RPH3AL: variants seen among roughly 807,000 people sequenced by gnomAD.
The protein encoded by RPH3AL is rabphilin 3A like (without C2 domains).
A neutral mutation model predicts 43.1 loss-of-function variants in RPH3AL; 38 were observed. The observed-to-expected ratio is 0.88, with a 90% CI of 0.68 to 1.15. The LOEUF is 1.15. Ranked by LOEUF, RPH3AL falls within the 50% of genes most tolerant of loss-of-function variation. The probability of loss-of-function intolerance (pLI) is 0.00; values close to 1 mark genes in which losing one functional copy is unlikely to be tolerated. For missense variants in RPH3AL, 462 were observed against 423.2 expected (o/e 1.09, Z -0.81); for synonymous variants, 189 against 176.3 (o/e 1.07, Z -0.57).
At chr17:235,273 C>G (rs8076043) in intron 7 of RPH3AL, among the ~76,000 whole-genome samples, 20,786 of 102,026 alleles carry the variant, frequency 0.2, 1,036 homozygotes, top group Middle Eastern at 0.3. Context: ...TGGGGTCGGC[C>G]GAGGCTCTAC....
At chr17:231,598 G>A (rs1413029068) in intron 7 of RPH3AL, among the ~76,000 whole-genome samples, 3 of 152,236 alleles carry the variant, frequency 2.0e-5, no homozygotes, top group Non-Finnish European at 2.9e-5. Flanking sequence ...CTTAGTCCCC[G>A]AGACAGGTGA....
At chr17:272,499 G>A (rs1239867880) in intron 6 of RPH3AL, among the ~76,000 whole-genome samples, 15 of 149,640 alleles carry the variant, frequency 1.0e-4, no homozygotes, top group African/African-American at 2.0e-4. Context: ...GCAAACTATC[G>A]CAAGGACAGA....
At chr17:236,109 C>T (rs1022021675) in intron 7 of RPH3AL, among the ~76,000 whole-genome samples, 1 of 152,200 alleles carries the variant, frequency 6.6e-6, no homozygotes, top group Non-Finnish European at 1.5e-5. Flanking sequence ...CACAGAAGGC[C>T]TCACACTGTG....
At chr17:292,148 C>A (rs1443987006) in intron 5 of RPH3AL, among the ~76,000 whole-genome samples, 1 of 152,168 alleles carries the variant, frequency 6.6e-6, no homozygotes, top group East Asian at 1.9e-4. Flanking sequence ...CAGGCCTGTG[C>A]ACCCCCACAG....
rs1422044515 is a variant in RPH3AL at position 271,573 on chromosome 17, T to A, written c.438+10195A>T. 2.0e-5 allele frequency among the ~76,000 whole-genome samples: 3 copies of A among 152,240 alleles called. No homozygotes were observed. In the East Asian group the frequency reaches 5.8e-4, roughly 29 times the overall value. On this transcript the variant is annotated intron_variant, in intron 6 of 9. Coordinates refer to ENST00000331302, the MANE Select transcript of RPH3AL (RefSeq NM_006987.4). Reference sequence around the variant, plus strand: ...GGAGTTCACTCATGATTTGGTACTCTGTTATTGATGTATAGGAATGCTTGT... The same window carrying A: ...GGAGTTCACTCATGATTTGGTACTCAGTTATTGATGTATAGGAATGCTTGT...
At chr17:248,686 C>A (rs2041821260) in intron 6 of RPH3AL, among the ~76,000 whole-genome samples, 1 of 152,206 alleles carries the variant, frequency 6.6e-6, no homozygotes, top group African/African-American at 2.4e-5. Context: ...CACCCAGGCT[C>A]CCCACTCCTG....
chr17:260,668 A>G (rs1488209574), intron 6 of RPH3AL, among the ~76,000 whole-genome samples: 2 of 152,154 alleles, frequency 1.3e-5, no homozygotes, highest in Non-Finnish European at 2.9e-5. Context: ...TCTCTGGCAG[A>G]GGAGAGGCAG....
chr17:267,463 G>A (rs910350924), intron 6 of RPH3AL, among the ~76,000 whole-genome samples: 2 of 152,194 alleles, frequency 1.3e-5, no homozygotes, highest in African/African-American at 2.4e-5. Context: ...TCAGACGAGC[G>A]TCATGATTTT....
In RPH3AL at chr17:278,227, A is replaced by G. The variant is rs533395414; in HGVS notation, c.438+3541T>C. Among the ~76,000 whole-genome samples, 527 of 152,200 alleles carry G rather than the reference A, an allele frequency of 3.5e-3. 5 individuals carry two copies. Among genetic ancestry groups the G allele is most frequent in the Non-Finnish European group, 5.6e-3 (381 of 67,996 alleles). ...CGAGATCTGATGGTTTTATAAGAAG[A>G]AACTCCTTTCACTTGGTCTCATTCT... On this transcript the variant is annotated intron_variant, in intron 6 of 9. Transcript: ENST00000331302.
intron 5 of RPH3AL, among the ~76,000 whole-genome samples, chr17:312,908 G>C (rs1368368485): frequency 6.6e-6 from 1 of 152,204 alleles, no homozygotes; most frequent in African/African-American, 2.4e-5. Context: ...GCCGTGCCAG[G>C]TGCTTGCAGG....
intron 7 of RPH3AL, among the ~76,000 whole-genome samples, chr17:231,379 C>A (rs1567567879): frequency 6.6e-6 from 1 of 152,220 alleles, no homozygotes; most frequent in South Asian, 2.1e-4. Flanking sequence ...GGCCTGCCTG[C>A]CCCTTCCTGT....
rs11868664 is a variant in RPH3AL, at chr17:215,929, A to G, written c.728-127T>C. 61,462 of 672,316 alleles carry G rather than the reference A, an allele frequency of 0.091. 12,588 individuals are homozygous for G. Among genetic ancestry groups the G allele is most frequent in the Admixed American group, 0.11 (2,287 of 21,556 alleles). The allele number at this position is 672,316 out of a possible 1,614,324, so 41.6% of individuals were successfully genotyped here. On this transcript the variant is annotated intron_variant, in intron 8 of 9. Transcript: ENST00000331302. The surrounding 1 kb of genome is among the most constrained non-coding windows in gnomAD (Gnocchi z 4.1). ...CCCCCACCCCACCCACATGGCTGCC[A>G]GGCTCTGGCCTGACCTCACCCACAT...
intron 2 of RPH3AL, chr17:331,957 C>T: frequency 9.4e-7 from 1 of 1,067,094 alleles, no homozygotes. Context: ...GGAAGGCAAA[C>T]CCCCAAATTC....
intron 7 of RPH3AL, among the ~76,000 whole-genome samples, chr17:242,317 C>T (rs374719270): frequency 0.032 from 3,043 of 93,634 alleles, 156 homozygotes; most frequent in South Asian, 0.058. Context: ...CCTCTATTGA[C>T]TACCTTCCTC....
chr17:244,157 A>G (rs910622404), intron 7 of RPH3AL, among the ~76,000 whole-genome samples: 3 of 130,716 alleles, frequency 2.3e-5, no homozygotes, highest in Non-Finnish European at 4.8e-5. Context: ...TCTATTGATT[A>G]CCCTTCCTCT....
intron 5 of RPH3AL, among the ~76,000 whole-genome samples, chr17:294,386 C>T (rs561559543): frequency 6.6e-6 from 1 of 152,034 alleles, no homozygotes; most frequent in South Asian, 2.1e-4. Context: ...CTCAGAAGGT[C>T]GAGGCTGCAG....
At chr17:292,177 C>G (rs1216262331) in intron 5 of RPH3AL, among the ~76,000 whole-genome samples, 4 of 152,094 alleles carry the variant, frequency 2.6e-5, no homozygotes, top group African/African-American at 9.7e-5. Context: ...AGATGGTGTC[C>G]CCGGGTCACC....
chr17:258,757 G>GTTTTTTTTTTTT lies in RPH3AL; in HGVS notation c.439-11484_439-11473dup, dbSNP rs372761475. The stretch of plus-strand genomic sequence containing the variant: ...TCAGCCATTTTGGGATAGTCAACCC[G>GTTTTTTTTTTTT]TTTTTTTTTTTTTTTTTTTTTGAGA... On this transcript the variant is annotated intron_variant, in intron 6 of 9. Coordinates refer to ENST00000331302, the MANE Select transcript of RPH3AL (RefSeq NM_006987.4). 8.1e-5 allele frequency among the ~76,000 whole-genome samples: 8 copies of GTTTTTTTTTTTT among 98,770 alleles called. 3 individuals carry two copies. Among genetic ancestry groups the GTTTTTTTTTTTT allele is most frequent in the African/African-American group, 7.5e-5 (2 of 26,746 alleles). 64.8% of individuals were successfully genotyped at this position (98,770 alleles called of 152,430 possible).
Position 286,913 on chromosome 17 carries a change from T to TCTCTCTCCACCGTCAGACCTCACACC in RPH3AL, c.352-5060_352-5059insGGTGTGAGGTCTGACGGTGGAGAGAG, listed in dbSNP as rs2042927816. Reference sequence around the variant, plus strand: ...CTCCAGGCTTTCAGACCTCGCACCCTCTCTCTCCACCGTCAGACCTCGCAC... The same window carrying TCTCTCTCCACCGTCAGACCTCACACC: ...CTCCAGGCTTTCAGACCTCGCACCCTCTCTCTCCACCGTCAGACCTCACACCCTCTCTCCACCGTCAGACCTCGCAC... On this transcript the variant is annotated intron_variant, in intron 5 of 9. Coordinates refer to ENST00000331302, the MANE Select transcript of RPH3AL (RefSeq NM_006987.4). Among the ~76,000 whole-genome samples, 28 of 92,212 alleles carry TCTCTCTCCACCGTCAGACCTCACACC rather than the reference T, an allele frequency of 3.0e-4. 3 individuals are homozygous for TCTCTCTCCACCGTCAGACCTCACACC. The highest frequency in any genetic ancestry group is 8.0e-4 in the Admixed American group (7 of 8,772). 60.5% of individuals were successfully genotyped at this position (92,212 alleles called of 152,430 possible). A position where few individuals can be genotyped will look rare whatever the true frequency, so the allele number is the denominator to read the frequency against.
Sources: allele counts gnomAD v4.1 joint callset (sites outside exome capture counted in the v4.1 genomes callset), GRCh38; gene constraint gnomAD v4.1.1; non-coding constraint Gnocchi (gnomAD v3.1); transcripts MANE v1.5; gene names NCBI Gene and HGNC (gene_info 2026-07-23, HGNC 2026-07-21).